ZC3H11A: variants seen among roughly 807,000 people sequenced by gnomAD.
ZC3H11A encodes zinc finger CCCH domain-containing protein 11A.
ZC3H11A carries 22 observed loss-of-function variants against 90.8 expected under a neutral mutation model. That is an observed-to-expected ratio of 0.24 (90% CI 0.17 to 0.35). ZC3H11A has a LOEUF of 0.35. Among genes scored for constraint, ZC3H11A ranks in the 10% least tolerant of loss-of-function variants. The pLI, the probability that ZC3H11A is intolerant of heterozygous loss-of-function variation, is 1.00. For synonymous variants in ZC3H11A, 294 were observed against 339.8 expected (o/e 0.87, Z 1.48); for missense variants, 701 against 964.9 (o/e 0.73, Z 3.62).
Position 203,829,880 on chromosome 1 carries a change from A to C in ZC3H11A, c.603A>C (p.Ala201=), listed in dbSNP as rs1357616665. Residue 201 remains alanine, a synonymous_variant, in exon 7 of 18, where the codon GCA becomes GCC. Coordinates refer to ENST00000367210, the MANE Select transcript of ZC3H11A (RefSeq NM_001376342.1). ...GAGTGACTTCTGTCCGGAAACCTGC[A>C]GTCAATATAAAGCAAGGTAAGAAGA... ...GLRVTSVRKP[A]VNIKQGECLN... 3 of 1,613,892 alleles carry C rather than the reference A, an allele frequency of 1.9e-6. No homozygotes were observed. The highest frequency in any genetic ancestry group is 2.5e-6 in the Non-Finnish European group (3 of 1,179,848).
chr1:203,833,631 T>C (rs1051987335), intron 9 of ZC3H11A, among the ~76,000 whole-genome samples, 160 bp from the exon 10 acceptor site: 4 of 150,122 alleles, frequency 2.7e-5, no homozygotes, highest in African/African-American at 4.9e-5. Flanking sequence ...TTTTTTTTTT[T>C]TTTTTGATAT....
intron 2 of ZC3H11A, among the ~76,000 whole-genome samples, chr1:203,811,143 CAAA>C (rs535589700): frequency 6.8e-5 from 5 of 73,614 alleles, no homozygotes; most frequent in Admixed American, 1.7e-4. Context: ...AACTCTGTCA[CAAA>C]AAAAAAAAAA....
At chr1:203,805,143 AT>A (rs148879848) in intron 2 of ZC3H11A, among the ~76,000 whole-genome samples, 84,179 of 131,226 alleles carry the variant, frequency 0.64, 26,317 homozygotes, top group Middle Eastern at 0.72. Flanking sequence ...TACAGTAGTG[AT>A]TTTTTTTTTT....
At chr1:203,833,617 G>GTTTTTTTT (rs1558128351) in intron 9 of ZC3H11A, among the ~76,000 whole-genome samples, 174 bp from the exon 10 acceptor site, 1 of 72,084 alleles carries the variant, frequency 1.4e-5, no homozygotes, top group Non-Finnish European at 2.9e-5. Context: ...AATAGGTTTG[G>GTTTTTTTT]GTTTTTTTTT....
intron 2 of ZC3H11A, among the ~76,000 whole-genome samples, chr1:203,812,727 G>A (rs1290126086): frequency 6.6e-6 from 1 of 151,680 alleles, no homozygotes; most frequent in Non-Finnish European, 1.5e-5. Flanking sequence ...GATTACAGGT[G>A]TGTGCTACCA....
chr1:203,815,919 G>T (rs1050856592), intron 2 of ZC3H11A, among the ~76,000 whole-genome samples: 1 of 152,136 alleles, frequency 6.6e-6, no homozygotes, highest in Non-Finnish European at 1.5e-5. Flanking sequence ...GGAGATCAGG[G>T]TATGCCATGG....
At chr1:203,820,468 A>ATGTGTGTGTGTGTGTGTGTGTGTGTG (rs71145033) in intron 4 of ZC3H11A, among the ~76,000 whole-genome samples, 5,208 of 150,374 alleles carry the variant, frequency 0.035, 124 homozygotes, top group Non-Finnish European at 0.052. Flanking sequence ...ATCACAAATT[A>ATGTGTGTGTGTGTGTGTGTGTGTGTG]TGTGTGTGTG....
chr1:203,843,234 G>A (rs1686969238), intron 12 of ZC3H11A, among the ~76,000 whole-genome samples: 1 of 152,026 alleles, frequency 6.6e-6, no homozygotes, highest in African/African-American at 2.4e-5. Context: ...CAGTATTTAT[G>A]ATAATCAGTA....
intron 2 of ZC3H11A, among the ~76,000 whole-genome samples, chr1:203,808,305 A>G (rs1201372508): frequency 6.6e-6 from 1 of 152,202 alleles, no homozygotes; most frequent in East Asian, 1.9e-4. Context: ...GAGAAGTCTA[A>G]TAATGTCAAG....
rs150304328 is a variant in ZC3H11A at position 203,838,043 on chromosome 1, A to G, written c.952A>G (p.Ile318Val). 18 of 1,614,198 alleles carry G rather than the reference A, an allele frequency of 1.1e-5. No homozygotes were observed. The highest frequency in any genetic ancestry group is 9.9e-5 in the South Asian group (9 of 91,086). ...GAAAGTTGAAGCTCCAGAAACTAAC[A>G]TTGACAAAACACCAAAGAAAGGTAC... Reference protein sequence around the residue: ...GKKVEAPETNIDKTPKKAQVS... With the variant: ...GKKVEAPETNVDKTPKKAQVS... Residue 318 changes from isoleucine (I) to valine (V), a missense_variant, in exon 11 of 18, where the codon ATT becomes GTT. Transcript: ENST00000367210.
intron 15 of ZC3H11A, 175 bp from the exon 16 acceptor site, chr1:203,850,340 C>A: frequency 1.1e-6 from 1 of 890,038 alleles, no homozygotes. Context: ...TGGTGACCAC[C>A]TGTAGTGACC....
chr1:203,842,325 G>A (rs1163000088), intron 12 of ZC3H11A, among the ~76,000 whole-genome samples: 2 of 152,326 alleles, frequency 1.3e-5, no homozygotes, highest in Non-Finnish European at 2.9e-5. Context: ...CACTGAGTGA[G>A]CGAGACTCCG....
chr1:203,811,999 T>C (rs1161409789), intron 2 of ZC3H11A, among the ~76,000 whole-genome samples: 1 of 151,734 alleles, frequency 6.6e-6, no homozygotes, highest in African/African-American at 2.4e-5. Flanking sequence ...TATTTTTTGA[T>C]AGAGACGAGG....
intron 4 of ZC3H11A, among the ~76,000 whole-genome samples, chr1:203,819,087 TATACAC>T (rs1209570589): frequency 5.5e-4 from 23 of 41,464 alleles, no homozygotes; most frequent in East Asian, 3.8e-3. Flanking sequence ...AATATATATA[TATACAC>T]ACACACACAC....
chr1:203,799,105 C>T (rs1453193737), intron 1 of ZC3H11A: 6 of 1,534,886 alleles, frequency 3.9e-6, no homozygotes, highest in Non-Finnish European at 8.7e-7. Context: ...CTTTGTGTTA[C>T]AGGTTTGGCT....
chr1:203,820,243 A>C (rs2102847410), intron 4 of ZC3H11A, among the ~76,000 whole-genome samples: 1 of 152,072 alleles, frequency 6.6e-6, no homozygotes, highest in Non-Finnish European at 1.5e-5. Flanking sequence ...TCAAGAAAAA[A>C]AAAAAAAAAG....
chr1:203,841,362 C>G (rs769336141), intron 12 of ZC3H11A, among the ~76,000 whole-genome samples: 2 of 152,056 alleles, frequency 1.3e-5, no homozygotes, highest in Admixed American at 6.6e-5. Flanking sequence ...TGACTCTTAA[C>G]GAGCATGCTG....
rs773734249 is a variant in ZC3H11A at position 203,828,290 on chromosome 1, CT to C, written c.175-8del. On this transcript the variant is annotated splice_region_variant and splice_polypyrimidine_tract_variant and intron_variant, in intron 4 of 17. Coordinates refer to ENST00000367210, the MANE Select transcript of ZC3H11A (RefSeq NM_001376342.1). ...TTATTTGAAAGCAATGTGTTTTTCCCTCTTACAGAAAAAACGCAGTGAAATT... is the reference window on the plus strand; with the variant it reads ...TTATTTGAAAGCAATGTGTTTTTCCCCTTACAGAAAAAACGCAGTGAAATT... The C allele has an allele frequency of 4.3e-6, 7 of 1,613,790 alleles. No individual in the cohort carries two copies. In the African/African-American group the frequency reaches 8.0e-5, roughly 18 times the overall value.
At chr1:203,833,340 G>T (rs1212100632) in intron 9 of ZC3H11A, among the ~76,000 whole-genome samples, 1 of 146,764 alleles carries the variant, frequency 6.8e-6, no homozygotes, top group Non-Finnish European at 1.5e-5. Context: ...ACTCTAGCCT[G>T]GGCGACAGAG....
Sources: allele counts gnomAD v4.1 joint callset (sites outside exome capture counted in the v4.1 genomes callset), GRCh38; gene constraint gnomAD v4.1.1; transcripts MANE v1.5; gene names NCBI Gene and HGNC (gene_info 2026-07-23, HGNC 2026-07-21).